Variants in PIGN observed in about 807,000 individuals in gnomAD.
PIGN encodes the protein GPI ethanolamine phosphate transferase 1.
In PIGN, 117 loss-of-function variants were observed where a neutral mutation model predicts 125.4. That is an observed-to-expected ratio of 0.93 (90% CI 0.80 to 1.09). The LOEUF (loss-of-function observed/expected upper bound fraction) is 1.09, where lower values mean the gene tolerates loss of function less well. Ranked by LOEUF, PIGN falls within the 50% of genes least tolerant of loss-of-function variation. The pLI is 0.00. For synonymous variants in PIGN, 392 were observed against 377.8 expected (o/e 1.04, Z -0.44); for missense variants, 1,075 against 1,094.9 (o/e 0.98, Z 0.26).
intron 23 of PIGN, among the ~76,000 whole-genome samples, chr18:62,018,127 G>A (rs1427672450): frequency 6.6e-6 from 1 of 152,212 alleles, no homozygotes; most frequent in Non-Finnish European, 1.5e-5. Flanking sequence ...AACAGGCACA[G>A]GAGGTCAAGT....
Position 62,046,324 on chromosome 18 carries a change from T to G in PIGN, c.2673-345A>C, listed in dbSNP as rs2030680902. ...GGTCCCCAAACCTCAGGCAGTGGAC[T>G]GGTACCAGTCTGTGGCCTGTTAGGA... On this transcript the variant is annotated intron_variant, in intron 30 of 30. Coordinates refer to ENST00000640252, the MANE Select transcript of PIGN (RefSeq NM_176787.5). 2.0e-5 allele frequency among the ~76,000 whole-genome samples: 3 copies of G among 151,774 alleles called. No individual in the cohort carries two copies. In the South Asian group the frequency reaches 6.3e-4, roughly 32 times the overall value.
In PIGN at chr18:62,042,931, A is replaced by AC. The variant is rs1491556178; in HGVS notation, c.*2924_*2925insG. 5 of 140,040 alleles carry AC rather than the reference A, an allele frequency of 3.6e-5. No individual in the cohort carries two copies. The highest frequency in any genetic ancestry group is 1.3e-4 in the African/African-American group (5 of 39,302). The allele number at this position is 140,040 out of a possible 1,614,324, so 8.7% of individuals were successfully genotyped here. On this transcript the variant is annotated 3_prime_UTR_variant, in exon 31 of 31. Transcript: ENST00000640252. ...TGTCTCAAAACAAAAACGAAAAAAA[A>AC]AAAAACAAAAAACCATGCTTATACA...
At chr18:62,079,884 A>T (rs1480848421) in intron 28 of PIGN, among the ~76,000 whole-genome samples, 1 of 152,150 alleles carries the variant, frequency 6.6e-6, no homozygotes, top group Non-Finnish European at 1.5e-5. Flanking sequence ...TTAATTTAAA[A>T]ATTAAGCTGA....
At chr18:62,159,127 C>T (rs1194110369) in intron 4 of PIGN, among the ~76,000 whole-genome samples, 1 of 152,122 alleles carries the variant, frequency 6.6e-6, no homozygotes, top group Admixed American at 6.5e-5. Flanking sequence ...GCCTGTAATC[C>T]CAGCTACTCA....
chr18:62,043,798 A>C lies in PIGN; in HGVS notation c.*2058T>G, dbSNP rs1599381369. The C allele has an allele frequency of 6.6e-6, 1 of 152,252 alleles. No homozygotes were observed. The highest frequency in any genetic ancestry group is 1.9e-4 in the East Asian group (1 of 5,172). 9.4% of individuals were successfully genotyped at this position (152,252 alleles called of 1,614,324 possible). A position where few individuals can be genotyped will look rare whatever the true frequency, so the allele number is the denominator to read the frequency against. ...AATATTTTCACAACTTGTTCTGCCT[A>C]TTTTAATTCTTATAACAATTCCTAA... is the stretch of plus-strand genomic sequence containing the variant. On this transcript the variant is annotated 3_prime_UTR_variant, in exon 31 of 31. Coordinates refer to ENST00000640252, the MANE Select transcript of PIGN (RefSeq NM_176787.5).
chr18:62,115,613 T>A (rs2035059045), intron 14 of PIGN, among the ~76,000 whole-genome samples: 2 of 145,070 alleles, frequency 1.4e-5, no homozygotes, highest in African/African-American at 5.1e-5. Context: ...TCTGAAGAGA[T>A]AGGACTGAGA....
At chr18:62,119,237 T>C (rs2035203657) in intron 14 of PIGN, among the ~76,000 whole-genome samples, 1 of 151,572 alleles carries the variant, frequency 6.6e-6, no homozygotes, top group Non-Finnish European at 1.5e-5. Context: ...TTTTAATATA[T>C]AAAGATAAGG....
At chr18:62,070,966 C>G (rs902263753) in intron 30 of PIGN, among the ~76,000 whole-genome samples, 2 of 151,904 alleles carry the variant, frequency 1.3e-5, no homozygotes, top group African/African-American at 4.8e-5. Flanking sequence ...CCACTGCACT[C>G]GGGTAATTTT....
chr18:62,084,798 T>C (rs1056012202), intron 26 of PIGN, among the ~76,000 whole-genome samples, 192 bp from the exon 27 acceptor site: 9 of 152,146 alleles, frequency 5.9e-5, no homozygotes, highest in Admixed American at 5.9e-4. Flanking sequence ...CTCCAAAATA[T>C]ATCATTCAGT....
rs981353729 is a variant in PIGN, at chr18:62,044,130, A to G, written c.*1726T>C. ...ATACTGTCAGAAGGAAGTTCAACCT[A>G]TTCTACAGACTCACACTGACCTGAA... On this transcript the variant is annotated 3_prime_UTR_variant, in exon 31 of 31. Coordinates refer to ENST00000640252, the MANE Select transcript of PIGN (RefSeq NM_176787.5). 1.3e-5 allele frequency: 2 copies of G among 152,210 alleles called. No individual in the cohort carries two copies. The highest frequency in any genetic ancestry group is 2.9e-5 in the Non-Finnish European group (2 of 68,036). The allele number at this position is 152,210 out of a possible 1,614,324, so 9.4% of individuals were successfully genotyped here.
intron 10 of PIGN, among the ~76,000 whole-genome samples, chr18:62,145,292 TC>T (rs1355847577): frequency 2.6e-5 from 4 of 152,254 alleles, no homozygotes; most frequent in African/African-American, 7.2e-5. Context: ...TGTCAATGTC[TC>T]CCCTGTGGAC....
chr18:62,097,582 C>T (rs541242332), intron 22 of PIGN, among the ~76,000 whole-genome samples: 1 of 151,854 alleles, frequency 6.6e-6, no homozygotes, highest in South Asian at 2.1e-4. Flanking sequence ...GGGTATATAC[C>T]CAAAAATGAA....
At chr18:62,117,846 C>T (rs12185392) in intron 14 of PIGN, among the ~76,000 whole-genome samples, 25,723 of 152,022 alleles carry the variant, frequency 0.17, 2,933 homozygotes, top group Middle Eastern at 0.29. Context: ...CCTTATTTCA[C>T]TTAACATAAT....
intron 30 of PIGN, chr18:62,070,226 C>T (rs1274699652): frequency 5.1e-6 from 2 of 393,460 alleles, no homozygotes; most frequent in Non-Finnish European, 9.0e-6. Flanking sequence ...GATTCAAACC[C>T]AGGCGCTCTG....
chr18:62,173,687 C>T lies in PIGN; in HGVS notation c.-235-10031G>A, dbSNP rs191946566. Among the ~76,000 whole-genome samples the T allele has an allele frequency of 9.9e-4, 151 of 152,290 alleles. 1 individual carries two copies. The highest frequency in any genetic ancestry group is 3.5e-3 in the African/African-American group (146 of 41,548). ...AAATGGTTGTGAGGATTAGAATAAA[C>T]GTATGTCAAGTACCTAGCCCAACAC... is the stretch of plus-strand genomic sequence containing the variant. On this transcript the variant is annotated intron_variant, in intron 1 of 30. Transcript: ENST00000640252.
At chr18:62,183,622 T>C (rs2037795024) in intron 1 of PIGN, among the ~76,000 whole-genome samples, 1 of 152,254 alleles carries the variant, frequency 6.6e-6, no homozygotes, top group African/African-American at 2.4e-5. Context: ...TTTGAATTAA[T>C]GTCTGTCTCT....
chr18:62,161,204 A>G lies in PIGN; in HGVS notation c.150T>C (p.Val50=). The G allele has an allele frequency of 6.2e-7, 1 of 1,614,004 alleles. No homozygotes were observed. Among genetic ancestry groups the G allele is most frequent in the Non-Finnish European group, 8.5e-7 (1 of 1,179,860 alleles). ...PPPARRLVLF[V]ADGLRADALY... ...GTGCATCTGCTCGAAGGCCATCAGC[A>G]ACAAACAACACTAATCTTCTCGCTG... Residue 50 remains valine (V), a synonymous_variant, in exon 4 of 31, where the codon GTT becomes GTC. Transcript: ENST00000640252.
At chr18:62,118,340 G>A (rs1443685674) in intron 14 of PIGN, among the ~76,000 whole-genome samples, 2 of 151,824 alleles carry the variant, frequency 1.3e-5, no homozygotes, top group Non-Finnish European at 1.5e-5. Context: ...TGCCAGAGAA[G>A]CTTTGGGCAT....
intron 30 of PIGN, among the ~76,000 whole-genome samples, chr18:62,062,887 T>TTTTTTTTTTTTTTTTTTTTTTTTTG (rs2032253471): frequency 4.3e-5 from 1 of 23,210 alleles, no homozygotes; most frequent in Non-Finnish European, 1.0e-4. Context: ...TTCTGCTTTT[T>TTTTTTTTTTTTTTTTTTTTTTTTTG]TTTTTTTTTT....
Sources: allele counts gnomAD v4.1 joint callset (sites outside exome capture counted in the v4.1 genomes callset), GRCh38; gene constraint gnomAD v4.1.1; transcripts MANE v1.5; gene names NCBI Gene and HGNC (gene_info 2026-07-23, HGNC 2026-07-21).